Variants in RCAN1 observed in about 807,000 individuals in gnomAD.
RCAN1 encodes the protein regulator of calcineurin 1, also known as calcipressin-1.
Under a neutral mutation model 22.9 loss-of-function variants are expected in RCAN1, and 11 were observed. The observed-to-expected ratio is 0.48, with a 90% confidence interval of 0.30 to 0.79. The LOEUF (loss-of-function observed/expected upper bound fraction) is 0.79, where lower values mean the gene tolerates loss of function less well. Ranked by LOEUF, RCAN1 falls within the 30% of genes least tolerant of loss-of-function variation. The pLI is 0.06. For missense variants in RCAN1, 291 were observed against 337.8 expected (o/e 0.86, Z 1.09); for synonymous variants, 136 against 142.3 (o/e 0.96, Z 0.32).
At chr21:34,573,450 T>C (rs1224736406) in intron 1 of RCAN1, among the ~76,000 whole-genome samples, 3 of 152,224 alleles carry the variant, frequency 2.0e-5, no homozygotes, top group Non-Finnish European at 4.4e-5. Context: ...CTCCTGCTCA[T>C]AGGTTCCAAT....
intron 1 of RCAN1, among the ~76,000 whole-genome samples, chr21:34,574,568 T>C (rs574958362): frequency 1.1e-4 from 17 of 152,280 alleles, no homozygotes; most frequent in African/African-American, 3.4e-4. Flanking sequence ...ACGTGAATAA[T>C]AGAATGTTTG....
At chr21:34,613,890 T>G (rs1988746733) in intron 1 of RCAN1, 9 of 1,380,456 alleles carry the variant, frequency 6.5e-6, no homozygotes, top group South Asian at 5.2e-5. Flanking sequence ...AAGCACTGCT[T>G]TTTTTGACAG....
chr21:34,517,068 A>G lies in RCAN1; in HGVS notation c.*1016T>C, dbSNP rs1377595981. 1 of 152,388 alleles carries G rather than the reference A, an allele frequency of 6.6e-6. No homozygotes were observed. Among genetic ancestry groups the G allele is most frequent in the African/African-American group, 2.4e-5 (1 of 41,444 alleles). The allele number at this position is 152,388 out of a possible 1,614,324, so 9.4% of individuals were successfully genotyped here. ...CTCCCACTGCCATACTTTTCACCCA[A>G]GTGTACAACAGGTATGAATATATGC... is the stretch of plus-strand genomic sequence containing the variant. On this transcript the variant is annotated 3_prime_UTR_variant, in exon 4 of 4. Transcript: ENST00000313806.
At position 34,518,216 on chromosome 21, in the gene RCAN1, G is replaced by A; in HGVS notation, c.627C>T (p.Pro209=). The change falls in exon 4 of 4, where the codon CCC becomes CCT. Residue 209 remains proline, a synonymous_variant. Coordinates refer to ENST00000313806, the MANE Select transcript of RCAN1 (RefSeq NM_004414.7). The surrounding 1 kb of genome is among the most constrained non-coding windows in gnomAD (Gnocchi z 4.2). ...YELHAATDTT[P]SVVVHVCESD... is the part of the protein sequence containing the mutation. Reference sequence around the variant, plus strand: ...TCTCACATACATGGACCACCACGCTGGGAGTGGTGTCAGTCGCTGCGTGCA... The same window carrying A: ...TCTCACATACATGGACCACCACGCTAGGAGTGGTGTCAGTCGCTGCGTGCA... 6.2e-7 allele frequency: 1 copy of A among 1,614,120 alleles called. No homozygotes were observed. Among genetic ancestry groups the A allele is most frequent in the African/African-American group, 1.3e-5 (1 of 75,024 alleles).
chr21:34,518,337 T>C lies in RCAN1; in HGVS notation c.587-81A>G. The stretch of plus-strand genomic sequence containing the variant: ...GCAAACATAAAAGAGCATTCAGGGC[T>C]CTGCTGGGCCAGCTGCTCGTGACCA... On this transcript the variant is annotated intron_variant, in intron 3 of 3. Coordinates refer to ENST00000313806, the MANE Select transcript of RCAN1 (RefSeq NM_004414.7). The surrounding 1 kb of genome is among the most constrained non-coding windows in gnomAD (Gnocchi z 4.2). 2 of 1,455,916 alleles carry C rather than the reference T, an allele frequency of 1.4e-6. No homozygotes were observed. The highest frequency in any genetic ancestry group is 1.3e-5 in the South Asian group (1 of 78,442). The allele number at this position is 1,455,916 out of a possible 1,614,324, so 90.2% of individuals were successfully genotyped here.
intron 1 of RCAN1, among the ~76,000 whole-genome samples, chr21:34,576,168 A>G (rs934786767): frequency 2.0e-5 from 3 of 152,248 alleles, no homozygotes; most frequent in Non-Finnish European, 4.4e-5. Flanking sequence ...CAGTGACATC[A>G]TTCTCTGATT....
chr21:34,523,119 G>C (rs568189072), intron 2 of RCAN1: 2 of 155,676 alleles, frequency 1.3e-5, no homozygotes, highest in East Asian at 1.9e-4. Context: ...TCTCTGCTGA[G>C]TACCCCCAGC....
chr21:34,598,995 C>A (rs2284605), intron 1 of RCAN1, among the ~76,000 whole-genome samples: 65,238 of 151,830 alleles, frequency 0.43, 14,126 homozygotes, highest in East Asian at 0.5. Context: ...AAAATGATTT[C>A]TAATCCCCAG....
chr21:34,527,026 G>T, intron 1 of RCAN1: 1 of 1,173,030 alleles, frequency 8.5e-7, no homozygotes, highest in Non-Finnish European at 1.1e-6. Flanking sequence ...TTTTCCCTAT[G>T]CTAATTAACT....
chr21:34,540,811 CCT>C (rs1985880118), intron 1 of RCAN1, among the ~76,000 whole-genome samples: 1 of 151,996 alleles, frequency 6.6e-6, no homozygotes, highest in South Asian at 2.1e-4. Context: ...ATGGTGAAAC[CCT>C]GTCTCTACTA....
At chr21:34,521,416 G>C (rs1049865641) in intron 3 of RCAN1, 83 bp downstream of exon 3, 4 of 1,605,786 alleles carry the variant, frequency 2.5e-6, no homozygotes, top group East Asian at 2.2e-5. Flanking sequence ...GAGAGCTACG[G>C]GGGTAGTGGT....
chr21:34,532,881 C>T (rs1457175054), intron 1 of RCAN1, among the ~76,000 whole-genome samples: 1 of 152,180 alleles, frequency 6.6e-6, no homozygotes, highest in African/African-American at 2.4e-5. Flanking sequence ...TTCCAACCCC[C>T]CACTGCCCAC....
At chr21:34,531,915 ATAT>A (rs1175436740) in intron 1 of RCAN1, among the ~76,000 whole-genome samples, 1 of 152,096 alleles carries the variant, frequency 6.6e-6, no homozygotes. Context: ...TGTTAAAAAA[ATAT>A]TATTCAATGA....
intron 1 of RCAN1, among the ~76,000 whole-genome samples, chr21:34,545,745 C>T (rs1172086878): frequency 6.6e-6 from 1 of 152,176 alleles, no homozygotes; most frequent in Admixed American, 6.5e-5. Flanking sequence ...GCAGCTTTCC[C>T]CCAGTCCTTG....
At chr21:34,563,628 G>T (rs1986873975) in intron 1 of RCAN1, among the ~76,000 whole-genome samples, 1 of 151,624 alleles carries the variant, frequency 6.6e-6, no homozygotes, top group Non-Finnish European at 1.5e-5. Flanking sequence ...CTGCCCAATG[G>T]CCAGGCACGG....
chr21:34,523,801 G>C (rs566790265), intron 1 of RCAN1, 91 bp from the exon 2 acceptor site: 2 of 1,058,500 alleles, frequency 1.9e-6, no homozygotes, highest in South Asian at 3.2e-5. Context: ...TTTTTTCTTC[G>C]AGACAGAGTC....
At chr21:34,569,470 A>C (rs577871597) in intron 1 of RCAN1, among the ~76,000 whole-genome samples, 1 of 152,202 alleles carries the variant, frequency 6.6e-6, no homozygotes, top group South Asian at 2.1e-4. Flanking sequence ...GTGATGTTTT[A>C]TGTGTTACCA....
intron 1 of RCAN1, among the ~76,000 whole-genome samples, chr21:34,605,095 G>C (rs1988481338): frequency 6.6e-6 from 1 of 152,242 alleles, no homozygotes; most frequent in Non-Finnish European, 1.5e-5. Flanking sequence ...GTGTCTGTGA[G>C]GGTGTTGCCA....
At chr21:34,587,085 G>C (rs557609610) in intron 1 of RCAN1, among the ~76,000 whole-genome samples, 1 of 152,130 alleles carries the variant, frequency 6.6e-6, no homozygotes, top group Non-Finnish European at 1.5e-5. Flanking sequence ...CAGGACTGAT[G>C]AAGAAAAGAG....
Sources: gnomAD v4.1 joint callset for allele counts (sites outside exome capture counted in the v4.1 genomes callset) on GRCh38, gnomAD v4.1.1 for gene constraint, Gnocchi (gnomAD v3.1) non-coding constraint, MANE v1.5 for transcripts, NCBI Gene and HGNC (gene_info 2026-07-23, HGNC 2026-07-21) for gene names.